The following CSMD2 variants were observed in gnomAD, a reference collection of about 807,000 sequenced individuals.
The protein encoded by CSMD2 is CUB and Sushi multiple domains 2.
CSMD2 carries 130 observed loss-of-function variants against 398.5 expected under a neutral mutation model. The observed-to-expected ratio is 0.33, with a 90% CI of 0.28 to 0.38. CSMD2 has a LOEUF of 0.38. Among genes scored for constraint, CSMD2 ranks in the 10% least tolerant of loss-of-function variants. The pLI is 1.00. For missense variants in CSMD2, 3,829 were observed against 4,764.9 expected, an observed-to-expected ratio of 0.80 and a Z score of 5.78; for synonymous variants, 1,828 against 1,908.5, an observed-to-expected ratio of 0.96 and a Z score of 1.10.
intron 6 of CSMD2, among the ~76,000 whole-genome samples, chr1:33,844,529 A>C (rs751966298): frequency 1.3e-5 from 2 of 152,244 alleles, no homozygotes; most frequent in Non-Finnish European, 2.9e-5. Context: ...ATGCGGTCTC[A>C]GTCAGGAAAA....
intron 5 of CSMD2, among the ~76,000 whole-genome samples, chr1:33,900,780 C>CAA (rs397861504): frequency 1.2e-4 from 14 of 119,044 alleles, no homozygotes; most frequent in Admixed American, 1.1e-3. Context: ...AACTCCATCT[C>CAA]AAAAAAAAAA....
chr1:33,933,013 G>A (rs1346160291), intron 4 of CSMD2, among the ~76,000 whole-genome samples: 2 of 152,188 alleles, frequency 1.3e-5, no homozygotes, highest in African/African-American at 4.8e-5. Flanking sequence ...CCAGGGAGAA[G>A]CTTCCCGGGA....
At position 33,846,880 on chromosome 1, in the gene CSMD2, C is replaced by G; in HGVS notation, c.1033+4G>C. ...GAAGCCAGACAGTCCTGGGACCTGC[C>G]TACCTTGGTATTGGGCACTGAATCC... On this transcript the variant is annotated splice_donor_region_variant and intron_variant, in intron 6 of 70. Coordinates refer to ENST00000373381, the MANE Select transcript of CSMD2 (RefSeq NM_001281956.2). 1.3e-6 allele frequency: 2 copies of G among 1,588,952 alleles called. No individual in the cohort carries two copies. The highest frequency in any genetic ancestry group is 1.7e-6 in the Non-Finnish European group (2 of 1,164,750).
Position 33,624,567 on chromosome 1 carries a change from G to C in CSMD2, c.5577C>G (p.Ser1859Arg), listed in dbSNP as rs1244858910. The change falls in exon 35 of 71, where the codon AGC becomes AGG. Residue 1859 changes from serine (S) to arginine (R), a missense_variant. Transcript: ENST00000373381. The surrounding 1 kb of genome is among the most constrained non-coding windows in gnomAD (Gnocchi z 4.7). ...SPGFPEPYLNSLNCVWKIVVP... is the reference protein window; with the variant it reads ...SPGFPEPYLNRLNCVWKIVVP... ...CCACGATCTTCCACACACAGTTGAG[G>C]CTGTTGAGGTACGGCTCTGGGAAGC... is the stretch of plus-strand genomic sequence containing the variant. 6.2e-7 allele frequency: 1 copy of C among 1,614,026 alleles called. No homozygotes were observed. The highest frequency in any genetic ancestry group is 8.5e-7 in the Non-Finnish European group (1 of 1,179,942).
chr1:33,662,823 G>T, intron 26 of CSMD2, 67 bp downstream of exon 26: 1 of 1,383,670 alleles, frequency 7.2e-7, no homozygotes, highest in Non-Finnish European at 1.0e-6. Context: ...GAAAGTGAGG[G>T]CCAGAGGAAG....
chr1:33,574,032 T>C (rs368376683), intron 49 of CSMD2, among the ~76,000 whole-genome samples: 2 of 152,272 alleles, frequency 1.3e-5, no homozygotes, highest in South Asian at 2.1e-4. Flanking sequence ...AGAAAATGAT[T>C]TATAAACTAG....
intron 3 of CSMD2, among the ~76,000 whole-genome samples, chr1:33,966,146 A>G (rs916617221): frequency 4.6e-5 from 7 of 152,150 alleles, no homozygotes; most frequent in South Asian, 2.1e-4. Context: ...TGGCTCCCTG[A>G]ACTTCCAGGG....
chr1:33,994,357 T>C (rs1646658662), intron 3 of CSMD2, among the ~76,000 whole-genome samples: 1 of 152,058 alleles, frequency 6.6e-6, no homozygotes, highest in Non-Finnish European at 1.5e-5. Context: ...TTCCCCCTGA[T>C]GAGTCCCCTC....
intron 1 of CSMD2, among the ~76,000 whole-genome samples, chr1:34,159,906 C>T (rs947298432): frequency 1.3e-5 from 2 of 152,316 alleles, no homozygotes; most frequent in South Asian, 2.1e-4. Context: ...GCACTGGACT[C>T]GTTGCATCTC....
At position 33,947,689 on chromosome 1, in the gene CSMD2, G is replaced by A. The variant is rs187505390; in HGVS notation, c.518-11735C>T. ...TTCTGCAAATGATGGTGAACAGGGC[G>A]ACTGCAAAAGACAGGGATTCAACGT... is the stretch of plus-strand genomic sequence containing the variant. On this transcript the variant is annotated intron_variant, in intron 3 of 70. Transcript: ENST00000373381. 6.4e-4 allele frequency among the ~76,000 whole-genome samples: 97 copies of A among 152,280 alleles called. 1 individual carries two copies. Among genetic ancestry groups the A allele is most frequent in the Admixed American group, 2.1e-3 (32 of 15,306 alleles).
At chr1:33,789,677 A>G (rs1411811120) in intron 11 of CSMD2, among the ~76,000 whole-genome samples, 1 of 152,242 alleles carries the variant, frequency 6.6e-6, no homozygotes, top group Non-Finnish European at 1.5e-5. Context: ...CTGTTGAGTC[A>G]GCTGCAGAGA....
intron 4 of CSMD2, among the ~76,000 whole-genome samples, chr1:33,928,101 C>A (rs1389999191): frequency 2.0e-5 from 3 of 152,212 alleles, no homozygotes; most frequent in Non-Finnish European, 4.4e-5. Context: ...CTCTGGAAAT[C>A]ACAGCATCAT....
At chr1:33,599,961 G>A in intron 44 of CSMD2, 1 of 597,476 alleles carries the variant, frequency 1.7e-6, no homozygotes, top group Non-Finnish European at 3.0e-6. Flanking sequence ...ATACTGCGGA[G>A]GCTGGGTTCT....
At chr1:33,702,526 C>T (rs1021599987) in intron 22 of CSMD2, among the ~76,000 whole-genome samples, 1 of 152,054 alleles carries the variant, frequency 6.6e-6, no homozygotes, top group Non-Finnish European at 1.5e-5. Context: ...TGGTAAGTGT[C>T]CTTCTAGCCT....
In CSMD2 at chr1:33,743,597, A is replaced by G. The variant is rs749345617; in HGVS notation, c.1856T>C (p.Phe619Ser). The G allele has an allele frequency of 1.3e-6, 2 of 1,596,440 alleles. No homozygotes were observed. Among genetic ancestry groups the G allele is most frequent in the Non-Finnish European group, 1.7e-6 (2 of 1,168,266 alleles). Residue 619 changes from phenylalanine (F) to serine (S), a missense_variant, in exon 14 of 71, where the codon TTC becomes TCC. Physicochemically the swap from Phe to Ser is radical, Grantham distance 155. Coordinates refer to ENST00000373381, the MANE Select transcript of CSMD2 (RefSeq NM_001281956.2). ...CCCAGACGGGCTGGTGAAGTTGAAG[A>G]AGCAGGAGACTGCAAGAGAAGAGCA... ...AKKPGCVFSC[F>S]FNFTSPSGVV...
At chr1:33,585,544 C>A (rs1639025584) in intron 46 of CSMD2, among the ~76,000 whole-genome samples, 1 of 152,180 alleles carries the variant, frequency 6.6e-6, no homozygotes, top group South Asian at 2.1e-4. Flanking sequence ...AAACTAATGT[C>A]TTCTAAGAGG....
intron 5 of CSMD2, among the ~76,000 whole-genome samples, chr1:33,856,032 C>T (rs1639060623): frequency 6.6e-6 from 1 of 152,232 alleles, no homozygotes; most frequent in African/African-American, 2.4e-5. Context: ...AACGTAACTT[C>T]TCTGAGCCTC....
Position 33,546,133 on chromosome 1 carries a change from G to A in CSMD2, c.9004C>T (p.Arg3002Cys), listed in dbSNP as rs931136413. The A allele has an allele frequency of 6.8e-6, 11 of 1,614,196 alleles. No homozygotes were observed. Among genetic ancestry groups the A allele is most frequent in the East Asian group, 2.2e-5 (1 of 44,886 alleles). The change falls in exon 57 of 71, where the codon CGC becomes TGC. Residue 3002 changes from arginine to cysteine, a missense_variant. Arg to Cys is a radical substitution (Grantham distance 180). Around this residue, in one of 5 missense-constraint regions of CSMD2, gnomAD observed 917 missense variants for 1,199.5 expected, o/e 0.76. Transcript: ENST00000373381. Reference protein sequence around the residue: ...GDSFDPGTVMRFSCEAGHVLR... With the variant: ...GDSFDPGTVMCFSCEAGHVLR... ...ACGTGGCCAGCTTCACAGCTGAAGCGCATCACAGTGCCTGGATCAAAGCTG... is the reference window on the plus strand; with the variant it reads ...ACGTGGCCAGCTTCACAGCTGAAGCACATCACAGTGCCTGGATCAAAGCTG...
At chr1:33,781,314 C>T (rs956685417) in intron 12 of CSMD2, among the ~76,000 whole-genome samples, 22 of 152,250 alleles carry the variant, frequency 1.4e-4, no homozygotes, top group African/African-American at 4.8e-4. Flanking sequence ...GGGAGACTCC[C>T]CTGATGCCCT....
Sources: gnomAD v4.1 joint callset for allele counts (sites outside exome capture counted in the v4.1 genomes callset) on GRCh38, gnomAD v4.1.1 for gene constraint, gnomAD v4.1.1 regional missense constraint, Gnocchi (gnomAD v3.1) non-coding constraint, MANE v1.5 for transcripts, NCBI Gene and HGNC (gene_info 2026-07-23, HGNC 2026-07-21) for gene names.